Variants in WDR49 observed in about 807,000 individuals in gnomAD.
WDR49 encodes cilia- and flagella-associated protein 337.
A neutral mutation model predicts 119.5 loss-of-function variants in WDR49; 107 were observed. That is an observed-to-expected ratio of 0.90 (90% CI 0.77 to 1.05). The LOEUF is 1.05. WDR49 is among the 50% of genes least tolerant of loss of function. The pLI is 0.00. For synonymous variants in WDR49, 425 were observed against 418.8 expected, an observed-to-expected ratio of 1.01 and a Z score of -0.18; for missense variants, 1,240 against 1,220.5, an observed-to-expected ratio of 1.02 and a Z score of -0.24.
chr3:167,481,693 G>C (rs903702993), intron 18 of WDR49, among the ~76,000 whole-genome samples: 2 of 152,068 alleles, frequency 1.3e-5, no homozygotes, highest in African/African-American at 4.8e-5. Flanking sequence ...AATCATGGCA[G>C]AAGGCAAAAA....
At position 167,650,945 on chromosome 3, in the gene WDR49, G is replaced by C. The variant is rs181368941; in HGVS notation, c.165+2316C>G. ...ACAGAGTCACATTGTAAGTAGCAAA[G>C]CCGGGATTTAAGCTCAGGAAATCTG... is the stretch of plus-strand genomic sequence containing the variant. On this transcript the variant is annotated intron_variant, in intron 2 of 18. Coordinates refer to ENST00000682715, the MANE Select transcript of WDR49 (RefSeq NM_001366157.1). Among the ~76,000 whole-genome samples the C allele has an allele frequency of 2.7e-3, 418 of 152,224 alleles. 1 individual carries two copies. Among genetic ancestry groups the C allele is most frequent in the Non-Finnish European group, 4.9e-3 (336 of 68,010 alleles).
intron 7 of WDR49, among the ~76,000 whole-genome samples, chr3:167,589,482 T>C (rs1186202279): frequency 6.6e-6 from 1 of 152,158 alleles, no homozygotes; most frequent in Non-Finnish European, 1.5e-5. Flanking sequence ...AGAATGTCAT[T>C]GGTATTTTGA....
At chr3:167,622,550 A>G (rs770601178) in intron 3 of WDR49, among the ~76,000 whole-genome samples, 2 of 152,152 alleles carry the variant, frequency 1.3e-5, no homozygotes, top group Non-Finnish European at 2.9e-5. Context: ...TTTTCTAACA[A>G]TACAGCCCCG....
chr3:167,540,909 A>C (rs557855358), intron 10 of WDR49, among the ~76,000 whole-genome samples: 43 of 152,244 alleles, frequency 2.8e-4, no homozygotes, highest in African/African-American at 9.4e-4. Flanking sequence ...TAGAAAATGC[A>C]CTGGAAAGTT....
Position 167,595,075 on chromosome 3 carries a change from C to T in WDR49, c.1275+7052G>A, listed in dbSNP as rs538243829. Among the ~76,000 whole-genome samples, 496 of 150,636 alleles carry T rather than the reference C, an allele frequency of 3.3e-3. 10 individuals carry two copies. Among genetic ancestry groups the T allele is most frequent in the Admixed American group, 0.028 (423 of 15,078 alleles). On this transcript the variant is annotated intron_variant, in intron 7 of 18. Transcript: ENST00000682715. ...CACAAGCATTCTTATACACCAACAA[C>T]AGACAAACAGAGAGCCAAATCATGA...
chr3:167,626,653 CAGA>C (rs1358530045), intron 3 of WDR49, among the ~76,000 whole-genome samples, 196 bp downstream of exon 3: 4 of 152,012 alleles, frequency 2.6e-5, no homozygotes, highest in Non-Finnish European at 5.9e-5. Context: ...TCATTGAAGA[CAGA>C]GCCAGGAATC....
intron 10 of WDR49, among the ~76,000 whole-genome samples, chr3:167,553,887 T>C (rs1276772247): frequency 6.6e-6 from 1 of 152,170 alleles, no homozygotes; most frequent in Non-Finnish European, 1.5e-5. Context: ...TTCCCTGTGA[T>C]TGATAAAAAT....
intron 8 of WDR49, among the ~76,000 whole-genome samples, chr3:167,560,869 A>G (rs1483696263): frequency 1.3e-5 from 2 of 152,126 alleles, no homozygotes; most frequent in African/African-American, 4.8e-5. Context: ...GCTAGAAGGG[A>G]AAGGATTATA....
chr3:167,527,323 G>A lies in WDR49; in HGVS notation c.2604+497C>T, dbSNP rs572333703. 2.0e-4 allele frequency among the ~76,000 whole-genome samples: 31 copies of A among 152,140 alleles called. No individual in the cohort carries two copies. The South Asian group carries it at 6.2e-3, about 31-fold the overall frequency. ...GAGTTAATTCTTGAAAAACATCTTA[G>A]AACAGTACCCCACGTACACAAGAAA... On this transcript the variant is annotated intron_variant, in intron 15 of 18. Coordinates refer to ENST00000682715, the MANE Select transcript of WDR49 (RefSeq NM_001366157.1).
At chr3:167,482,191 T>C (rs1444936737) in intron 18 of WDR49, among the ~76,000 whole-genome samples, 1 of 152,160 alleles carries the variant, frequency 6.6e-6, no homozygotes, top group African/African-American at 2.4e-5. Context: ...AGATATTTTA[T>C]AGAAATGACC....
At chr3:167,538,321 C>A (rs1711582644) in intron 10 of WDR49, among the ~76,000 whole-genome samples, 1 of 152,088 alleles carries the variant, frequency 6.6e-6, no homozygotes, top group Non-Finnish European at 1.5e-5. Flanking sequence ...TCTGCAATTC[C>A]CAAATATGGT....
At chr3:167,604,973 A>G (rs148382473) in intron 5 of WDR49, among the ~76,000 whole-genome samples, 2 of 151,902 alleles carry the variant, frequency 1.3e-5, no homozygotes, top group African/African-American at 4.8e-5. Context: ...TAAAAACAGT[A>G]TCTAGTTTTA....
intron 2 of WDR49, among the ~76,000 whole-genome samples, chr3:167,645,424 A>G (rs9823325): frequency 0.31 from 46,513 of 151,842 alleles, 7,521 homozygotes; most frequent in African/African-American, 0.43. Flanking sequence ...TGGCCAAGCT[A>G]GTCTTGAACT....
At chr3:167,569,884 T>A (rs1488644756) in intron 8 of WDR49, among the ~76,000 whole-genome samples, 2 of 152,208 alleles carry the variant, frequency 1.3e-5, no homozygotes, top group Non-Finnish European at 2.9e-5. Context: ...AGAAAATATA[T>A]GCCACCTATC....
In WDR49 at chr3:167,499,893, T is replaced by C. The variant is rs372818478; in HGVS notation, c.3031+260A>G. Among the ~76,000 whole-genome samples, 4 of 152,202 alleles carry C rather than the reference T, an allele frequency of 2.6e-5. No homozygotes were observed. In the East Asian group the frequency reaches 5.8e-4, roughly 22 times the overall value. On this transcript the variant is annotated intron_variant, in intron 18 of 18. Transcript: ENST00000682715. ...GAGATTCTCATCCACGGAAGATTCATAGATACATGTTCATGGCATTCTAAC... is the reference window on the plus strand; with the variant it reads ...GAGATTCTCATCCACGGAAGATTCACAGATACATGTTCATGGCATTCTAAC...
chr3:167,488,494 TC>T (rs964761185), intron 18 of WDR49, among the ~76,000 whole-genome samples: 3 of 151,890 alleles, frequency 2.0e-5, no homozygotes, highest in East Asian at 3.9e-4. Context: ...GCACATGTGT[TC>T]CCTGTATCTA....
At chr3:167,588,205 T>C (rs962308471) in intron 7 of WDR49, among the ~76,000 whole-genome samples, 5 of 152,178 alleles carry the variant, frequency 3.3e-5, no homozygotes, top group Admixed American at 1.3e-4. Flanking sequence ...CACCTAAAGT[T>C]TGTCTTTCTC....
intron 5 of WDR49, among the ~76,000 whole-genome samples, chr3:167,612,502 GA>G (rs966693408): frequency 4.6e-5 from 7 of 151,256 alleles, no homozygotes; most frequent in South Asian, 4.2e-4. Flanking sequence ...AAATAAAATT[GA>G]AAAAAATACA....
chr3:167,536,077 G>T (rs1463726540), intron 11 of WDR49, among the ~76,000 whole-genome samples: 1 of 152,092 alleles, frequency 6.6e-6, no homozygotes, highest in African/African-American at 2.4e-5. Flanking sequence ...AGAGGATGGG[G>T]AGGGGAGACA....
Sources: allele counts gnomAD v4.1 joint callset (sites outside exome capture counted in the v4.1 genomes callset), GRCh38; gene constraint gnomAD v4.1.1; transcripts MANE v1.5; gene names NCBI Gene and HGNC (gene_info 2026-07-23, HGNC 2026-07-21).